The following DNAJC12 variants were observed in gnomAD, a reference collection of about 807,000 sequenced individuals.
DNAJC12 encodes the protein dnaJ homolog subfamily C member 12.
DNAJC12 carries 25 observed loss-of-function variants against 28.5 expected under a neutral mutation model. The observed-to-expected ratio is 0.88, with a 90% CI of 0.64 to 1.22. DNAJC12 has a LOEUF of 1.22. Ranked by LOEUF, DNAJC12 falls within the 50% of genes most tolerant of loss-of-function variation. The pLI, the probability that DNAJC12 is intolerant of heterozygous loss-of-function variation, is 0.00. For missense variants in DNAJC12, 222 were observed against 231.7 expected, an observed-to-expected ratio of 0.96 and a Z score of 0.27; for synonymous variants, 77 against 80.6, an observed-to-expected ratio of 0.95 and a Z score of 0.24.
chr10:67,835,937 G>C (rs1042348304), intron 1 of DNAJC12, among the ~76,000 whole-genome samples: 3 of 152,060 alleles, frequency 2.0e-5, no homozygotes, highest in Admixed American at 1.3e-4. Flanking sequence ...ATTATTTTCT[G>C]TAAGGCTGTC....
chr10:67,803,620 T>G (rs1841770151), intron 4 of DNAJC12, among the ~76,000 whole-genome samples: 1 of 152,218 alleles, frequency 6.6e-6, no homozygotes, highest in Non-Finnish European at 1.5e-5. Context: ...CCTGAGTCTC[T>G]GAAGTGTCTC....
At chr10:67,832,162 G>C (rs1057395979) in intron 1 of DNAJC12, among the ~76,000 whole-genome samples, 2 of 151,844 alleles carry the variant, frequency 1.3e-5, no homozygotes, top group Admixed American at 1.3e-4. Flanking sequence ...CTACTCGGGG[G>C]GCTGAGGCAG....
At chr10:67,806,116 C>T (rs939646487) in intron 3 of DNAJC12, among the ~76,000 whole-genome samples, 2 of 152,072 alleles carry the variant, frequency 1.3e-5, no homozygotes, top group Non-Finnish European at 2.9e-5. Context: ...TGAAAAAGAG[C>T]GCTTTTGAGT....
chr10:67,833,441 CT>C (rs1372193554), intron 1 of DNAJC12, among the ~76,000 whole-genome samples: 4 of 11,030 alleles, frequency 3.6e-4, no homozygotes, highest in African/African-American at 1.6e-3. Flanking sequence ...CCCTCTCCCT[CT>C]CTCTCTCTCT....
At chr10:67,813,278 T>G (rs1228588419) in intron 2 of DNAJC12, among the ~76,000 whole-genome samples, 2 of 147,242 alleles carry the variant, frequency 1.4e-5, no homozygotes, top group Non-Finnish European at 3.0e-5. Context: ...CAGAAGAATC[T>G]CATGAATCTG....
chr10:67,818,145 G>A (rs546396226), intron 2 of DNAJC12, among the ~76,000 whole-genome samples: 192 of 152,198 alleles, frequency 1.3e-3, no homozygotes, highest in Non-Finnish European at 1.6e-3. Context: ...GTTGAGGCCA[G>A]CAGTGAACCA....
At chr10:67,800,746 C>A (rs536359069) in intron 4 of DNAJC12, among the ~76,000 whole-genome samples, 19 of 152,054 alleles carry the variant, frequency 1.2e-4, no homozygotes, top group Non-Finnish European at 2.4e-4. Flanking sequence ...GAGTTCGAGA[C>A]CAGCCTGGCC....
At chr10:67,827,950 A>T (rs10997823) in intron 1 of DNAJC12, among the ~76,000 whole-genome samples, 110,942 of 151,998 alleles carry the variant, frequency 0.73, 41,299 homozygotes, top group Non-Finnish European at 0.8. Context: ...TCTTGAACAC[A>T]TTGTATTTAT....
At chr10:67,798,758 CTT>C (rs377308990) in intron 4 of DNAJC12, among the ~76,000 whole-genome samples, 1 of 132,032 alleles carries the variant, frequency 7.6e-6, no homozygotes, top group Non-Finnish European at 1.6e-5. Flanking sequence ...TGTGATTTTC[CTT>C]TTTTTTTTTT....
chr10:67,803,484 T>C (rs1841768628), intron 4 of DNAJC12, among the ~76,000 whole-genome samples: 1 of 152,266 alleles, frequency 6.6e-6, no homozygotes, highest in African/African-American at 2.4e-5. Context: ...TATGATTCTT[T>C]GAATTTTTTA....
chr10:67,801,193 C>T (rs1352293418), intron 4 of DNAJC12, among the ~76,000 whole-genome samples: 4 of 152,074 alleles, frequency 2.6e-5, no homozygotes, highest in African/African-American at 9.7e-5. Flanking sequence ...AGGCAAATTC[C>T]AAAGTGAATA....
rs7908777 is a variant in DNAJC12 at position 67,802,870 on chromosome 10, T to A, written c.502+2713A>T. 3.7e-3 allele frequency among the ~76,000 whole-genome samples: 541 copies of A among 147,768 alleles called. 4 individuals carry two copies. Among genetic ancestry groups the A allele is most frequent in the African/African-American group, 0.013 (515 of 39,578 alleles). ...GTGTGTGTGTGTGTGTGTGTGTGTG[T>A]GACAGGATCTCATTCTGTCACCCAG... On this transcript the variant is annotated intron_variant, in intron 4 of 4. Transcript: ENST00000225171.
chr10:67,822,711 C>A (rs370110813), intron 2 of DNAJC12, among the ~76,000 whole-genome samples: 25 of 152,148 alleles, frequency 1.6e-4, no homozygotes, highest in Non-Finnish European at 3.1e-4. Context: ...TGAAGACAAC[C>A]GCCTAGCCGG....
chr10:67,817,715 A>G (rs1476198803), intron 2 of DNAJC12, among the ~76,000 whole-genome samples: 1 of 3,090 alleles, frequency 3.2e-4, no homozygotes, highest in Non-Finnish European at 0.011. Context: ...CGTTTCCACT[A>G]AAAATAAAAA....
At chr10:67,826,921 A>T (rs985655837) in intron 1 of DNAJC12, among the ~76,000 whole-genome samples, 95 of 140,736 alleles carry the variant, frequency 6.8e-4, no homozygotes, top group Middle Eastern at 3.8e-3. Flanking sequence ...ATGATATATA[A>T]TATATATATC....
intron 4 of DNAJC12, among the ~76,000 whole-genome samples, chr10:67,803,184 A>T (rs927448302): frequency 2.0e-5 from 3 of 152,138 alleles, no homozygotes; most frequent in Non-Finnish European, 4.4e-5. Context: ...TATGAGGTAG[A>T]CACTAATATT....
At chr10:67,834,833 A>AT (rs200032801) in intron 1 of DNAJC12, among the ~76,000 whole-genome samples, 1 of 152,068 alleles carries the variant, frequency 6.6e-6, no homozygotes, top group Admixed American at 6.6e-5. Flanking sequence ...AGAAACAAAA[A>AT]TTTAAAAAAA....
chr10:67,819,351 T>C (rs946190862), intron 2 of DNAJC12, among the ~76,000 whole-genome samples: 2 of 146,000 alleles, frequency 1.4e-5, no homozygotes, highest in African/African-American at 5.1e-5. Context: ...GAAAAAGAAA[T>C]GTTCGGGCTA....
chr10:67,815,466 C>A (rs1841905278), intron 2 of DNAJC12, among the ~76,000 whole-genome samples: 1 of 144,796 alleles, frequency 6.9e-6, no homozygotes, highest in Non-Finnish European at 1.5e-5. Context: ...CGTGATCACA[C>A]CATTGCGCTC....
Sources: gnomAD v4.1 joint callset for allele counts (sites outside exome capture counted in the v4.1 genomes callset) on GRCh38, gnomAD v4.1.1 for gene constraint, MANE v1.5 for transcripts, NCBI Gene and HGNC (gene_info 2026-07-23, HGNC 2026-07-21) for gene names.